CTNND2: variants seen among roughly 807,000 people sequenced by gnomAD.
The protein encoded by CTNND2 is catenin delta-2.
A neutral mutation model predicts 144.4 loss-of-function variants in CTNND2; 22 were observed. The ratio of observed to expected loss-of-function variants is 0.15; its 90% CI spans 0.11 to 0.22. The LOEUF is 0.22. Ranked by LOEUF, CTNND2 falls within the 10% of genes least tolerant of loss-of-function variation. CTNND2 has a pLI of 1.00. For missense variants in CTNND2, 1,353 were observed against 1,618.8 expected, an observed-to-expected ratio of 0.84 and a Z score of 2.82; for synonymous variants, 751 against 695.6, an observed-to-expected ratio of 1.08 and a Z score of -1.25.
intron 9 of CTNND2, among the ~76,000 whole-genome samples, chr5:11,294,783 C>T (rs1394562873): frequency 1.3e-5 from 2 of 152,124 alleles, no homozygotes; most frequent in African/African-American, 2.4e-5. Context: ...AATTCAACAA[C>T]CCTTCATGCT....
At chr5:11,300,851 G>A (rs1749526866) in intron 9 of CTNND2, among the ~76,000 whole-genome samples, 1 of 152,260 alleles carries the variant, frequency 6.6e-6, no homozygotes, top group South Asian at 2.1e-4. Flanking sequence ...GAAACAGGAA[G>A]TAGAAAGGGA....
At chr5:11,643,015 A>G (rs1039839733) in intron 2 of CTNND2, among the ~76,000 whole-genome samples, 1 of 152,156 alleles carries the variant, frequency 6.6e-6, no homozygotes, top group African/African-American at 2.4e-5. Flanking sequence ...CTGTGTCACT[A>G]GAGTCCTGAA....
intron 1 of CTNND2, among the ~76,000 whole-genome samples, chr5:11,742,200 G>A (rs1012540724): frequency 6.6e-6 from 1 of 151,946 alleles, no homozygotes; most frequent in Non-Finnish European, 1.5e-5. Flanking sequence ...AACTTATGGA[G>A]GAAAAAAATA....
intron 11 of CTNND2, among the ~76,000 whole-genome samples, chr5:11,163,649 C>T (rs1383710709): frequency 6.6e-6 from 1 of 152,140 alleles, no homozygotes; most frequent in South Asian, 2.1e-4. Context: ...TCCCTCTCGC[C>T]TTCCCAGGAC....
chr5:11,264,529 C>T (rs982232189), intron 9 of CTNND2, among the ~76,000 whole-genome samples: 2 of 152,206 alleles, frequency 1.3e-5, no homozygotes, highest in Middle Eastern at 3.2e-3. Context: ...ACAGTGAATA[C>T]AGGGTAGCCC....
chr5:11,573,546 A>C (rs1777745050), intron 2 of CTNND2, among the ~76,000 whole-genome samples: 1 of 152,206 alleles, frequency 6.6e-6, no homozygotes, highest in Non-Finnish European at 1.5e-5. Context: ...AAATCTGGAC[A>C]GAACAAGCCA....
chr5:11,398,183 A>C (rs1760312356), intron 5 of CTNND2, among the ~76,000 whole-genome samples: 1 of 152,200 alleles, frequency 6.6e-6, no homozygotes, highest in African/African-American at 2.4e-5. Flanking sequence ...ATGGAGTGTA[A>C]TAATACACAT....
Position 11,389,035 on chromosome 5 carries a change from C to G in CTNND2, c.613-3806G>C, listed in dbSNP as rs191281393. The stretch of plus-strand genomic sequence containing the variant: ...AATAATTTTTTATTGATGTGTGACT[C>G]TGAAAATAAAAATAATGATATAACA... On this transcript the variant is annotated intron_variant, in intron 6 of 21. Coordinates refer to ENST00000304623, the MANE Select transcript of CTNND2 (RefSeq NM_001332.4). Among the ~76,000 whole-genome samples the G allele has an allele frequency of 2.0e-3, 301 of 152,210 alleles. 2 individuals are homozygous for G. Among genetic ancestry groups the G allele is most frequent in the African/African-American group, 7.0e-3 (291 of 41,524 alleles).
intron 3 of CTNND2, among the ~76,000 whole-genome samples, chr5:11,434,831 C>T (rs1404537205): frequency 2.0e-5 from 3 of 152,178 alleles, no homozygotes; most frequent in South Asian, 4.2e-4. Context: ...ATATCCCAGG[C>T]TCAAACATGT....
At chr5:11,343,025 C>T (rs1477210980) in intron 9 of CTNND2, among the ~76,000 whole-genome samples, 1 of 152,162 alleles carries the variant, frequency 6.6e-6, no homozygotes, top group Admixed American at 6.5e-5. Flanking sequence ...TAAAAATGAT[C>T]TCAGTGACTG....
At chr5:11,270,210 T>C (rs1383799270) in intron 9 of CTNND2, among the ~76,000 whole-genome samples, 11 of 152,150 alleles carry the variant, frequency 7.2e-5, no homozygotes, top group Admixed American at 7.2e-4. Context: ...TGTGTGAGCA[T>C]GTTAGGATTT....
At chr5:11,456,490 C>T (rs1380523783) in intron 3 of CTNND2, among the ~76,000 whole-genome samples, 1 of 152,092 alleles carries the variant, frequency 6.6e-6, no homozygotes, top group African/African-American at 2.4e-5. Context: ...CAGAGAACTA[C>T]GTCACGTGAG....
At chr5:11,296,597 T>C (rs556155858) in intron 9 of CTNND2, among the ~76,000 whole-genome samples, 6,926 of 152,158 alleles carry the variant, frequency 0.046, 265 homozygotes, top group African/African-American at 0.1. Flanking sequence ...TGTCCAACAA[T>C]GATAGACTGG....
chr5:11,849,877 A>C lies in CTNND2; in HGVS notation c.37+53940T>G, dbSNP rs191407285. Among the ~76,000 whole-genome samples, 454 of 152,310 alleles carry C rather than the reference A, an allele frequency of 3.0e-3. 4 individuals are homozygous for C. Among genetic ancestry groups the C allele is most frequent in the African/African-American group, 0.01 (433 of 41,572 alleles). On this transcript the variant is annotated intron_variant, in intron 1 of 21. Coordinates refer to ENST00000304623, the MANE Select transcript of CTNND2 (RefSeq NM_001332.4). ...CAGGAACCCAGAATGGCTGAGTAGG[A>C]AAATCACGAGCCTTGTAGGGTTGAA...
chr5:11,817,407 GAGGGAGAGAGAGAGAGAGAGA>G (rs1793025080), intron 1 of CTNND2, among the ~76,000 whole-genome samples: 1 of 12,790 alleles, frequency 7.8e-5, no homozygotes, highest in African/African-American at 3.4e-4. Context: ...AGAGAGAGAG[GAGGGAGAGAGAGAGAGAGAGA>G]GAGAGAGAGA....
At chr5:11,306,695 C>G (rs1298330563) in intron 9 of CTNND2, among the ~76,000 whole-genome samples, 1 of 152,188 alleles carries the variant, frequency 6.6e-6, no homozygotes, top group Non-Finnish European at 1.5e-5. Flanking sequence ...GTGCTTTTAT[C>G]CACACATATG....
chr5:11,026,265 G>A (rs1742811077), intron 16 of CTNND2, among the ~76,000 whole-genome samples: 1 of 151,814 alleles, frequency 6.6e-6, no homozygotes, highest in Non-Finnish European at 1.5e-5. Flanking sequence ...TGCCTGTCTT[G>A]GAATGACCTG....
chr5:11,423,412 T>A (rs565226173), intron 3 of CTNND2, among the ~76,000 whole-genome samples: 1 of 152,358 alleles, frequency 6.6e-6, no homozygotes, highest in East Asian at 1.9e-4. Flanking sequence ...ACCTAGTTTG[T>A]TTGCCGATAG....
intron 9 of CTNND2, among the ~76,000 whole-genome samples, chr5:11,242,418 C>A (rs73053758): frequency 0.01 from 1,593 of 152,286 alleles, 22 homozygotes; most frequent in African/African-American, 0.036. Flanking sequence ...TAATCATTCT[C>A]TTGAAATAAT....
Sources: allele counts gnomAD v4.1 joint callset (sites outside exome capture counted in the v4.1 genomes callset), GRCh38; gene constraint gnomAD v4.1.1; transcripts MANE v1.5; gene names NCBI Gene and HGNC (gene_info 2026-07-23, HGNC 2026-07-21).